The following SLC9C2 variants were observed in gnomAD, a reference collection of about 807,000 sequenced individuals.
SLC9C2 encodes sodium/hydrogen exchanger 11.
Under a neutral mutation model 140.2 loss-of-function variants are expected in SLC9C2, and 75 were observed. The ratio of observed to expected loss-of-function variants is 0.53; its 90% CI spans 0.44 to 0.65. The LOEUF is 0.65. Among genes scored for constraint, SLC9C2 ranks in the 30% least tolerant of loss-of-function variants. SLC9C2 has a pLI of 0.00. For synonymous variants in SLC9C2, 375 were observed against 420.9 expected, an observed-to-expected ratio of 0.89 and a Z score of 1.34; for missense variants, 1,074 against 1,331.8, an observed-to-expected ratio of 0.81 and a Z score of 3.01.
chr1:173,582,386 A>G (rs1201348899), intron 6 of SLC9C2, among the ~76,000 whole-genome samples: 1 of 152,220 alleles, frequency 6.6e-6, no homozygotes, highest in African/African-American at 2.4e-5. Context: ...GCCCAGGGTC[A>G]CTGCTAACCT....
chr1:173,566,783 T>C (rs187224115), intron 9 of SLC9C2, among the ~76,000 whole-genome samples: 1 of 84,112 alleles, frequency 1.2e-5, no homozygotes, highest in South Asian at 5.6e-4. Context: ...TTGCTTGGAG[T>C]TTTTTTTTTT....
intron 6 of SLC9C2, 49 bp downstream of exon 6, chr1:173,583,457 T>G (rs1665671036): frequency 9.0e-7 from 1 of 1,108,918 alleles, no homozygotes; most frequent in Non-Finnish European, 1.4e-6. Context: ...TGTATTTTAA[T>G]TTTAATGAGA....
intron 13 of SLC9C2, among the ~76,000 whole-genome samples, chr1:173,544,816 T>C (rs1187307106): frequency 4.6e-5 from 7 of 152,078 alleles, no homozygotes; most frequent in South Asian, 2.1e-4. Flanking sequence ...ATGAGAACAC[T>C]TGGACACAGG....
chr1:173,549,103 T>G (rs776499223), intron 11 of SLC9C2, among the ~76,000 whole-genome samples: 4 of 152,224 alleles, frequency 2.6e-5, no homozygotes, highest in Non-Finnish European at 5.9e-5. Context: ...AGGTATGAAC[T>G]ACAAGGCTCA....
chr1:173,593,180 A>G (rs1273711823), intron 4 of SLC9C2, among the ~76,000 whole-genome samples: 1 of 152,212 alleles, frequency 6.6e-6, no homozygotes, highest in African/African-American at 2.4e-5. Context: ...ACAAGTCAGC[A>G]TAATAAACAG....
intron 3 of SLC9C2, among the ~76,000 whole-genome samples, chr1:173,599,362 ATTTTTTTTTTT>A (rs61579339): frequency 5.4e-4 from 37 of 68,124 alleles, no homozygotes; most frequent in South Asian, 4.8e-3. Context: ...ATTTTCCTTG[ATTTTTTTTTTT>A]TTTTTTTTTT....
At chr1:173,543,905 A>G (rs1302151050) in intron 13 of SLC9C2, among the ~76,000 whole-genome samples, 45 of 152,218 alleles carry the variant, frequency 3.0e-4, no homozygotes, top group Non-Finnish European at 4.4e-5. Context: ...TAAAAAACCC[A>G]GAAGAAAACC....
rs749560382 is a variant in SLC9C2, at chr1:173,601,670, C to G, written c.107G>C (p.Cys36Ser). 2 of 1,613,826 alleles carry G rather than the reference C, an allele frequency of 1.2e-6. No homozygotes were observed. Among genetic ancestry groups the G allele is most frequent in the Non-Finnish European group, 1.7e-6 (2 of 1,179,840 alleles). Residue 36 changes from cysteine (C) to serine (S), a missense_variant, in exon 2 of 28, where the codon TGC becomes TCC. Cys to Ser is a moderately radical substitution (Grantham distance 112). Coordinates refer to ENST00000367714, the MANE Select transcript of SLC9C2 (RefSeq NM_178527.4). ...CCTACCTCCCAAAACAACAATGAAG[C>G]ATACAAGCGTTGTGAAATGTTTCTC... ...VEEKHFTTLV[C>S]FIVVLGGLLK...
intron 19 of SLC9C2, among the ~76,000 whole-genome samples, chr1:173,525,146 C>T (rs749913560): frequency 6.6e-6 from 1 of 152,076 alleles, no homozygotes; most frequent in Non-Finnish European, 1.5e-5. Context: ...AAGAGAAAAT[C>T]ACTCTCTCTC....
chr1:173,568,035 A>C (rs772731698), intron 9 of SLC9C2, among the ~76,000 whole-genome samples: 1 of 152,124 alleles, frequency 6.6e-6, no homozygotes, highest in African/African-American at 2.4e-5. Flanking sequence ...CTATGTCTTG[A>C]AAAGTTGTTG....
At chr1:173,586,353 G>A (rs1264264724) in intron 5 of SLC9C2, among the ~76,000 whole-genome samples, 1 of 152,150 alleles carries the variant, frequency 6.6e-6, no homozygotes, top group African/African-American at 2.4e-5. Flanking sequence ...GGAAAGGTTG[G>A]AGGTTTTTCA....
chr1:173,565,592 G>T (rs750207062), intron 9 of SLC9C2, among the ~76,000 whole-genome samples: 17 of 152,136 alleles, frequency 1.1e-4, no homozygotes, highest in Non-Finnish European at 2.1e-4. Context: ...CCATTCCCAT[G>T]CTGTGTTCAT....
intron 4 of SLC9C2, among the ~76,000 whole-genome samples, chr1:173,591,683 G>A (rs1666174628): frequency 6.6e-6 from 1 of 151,898 alleles, no homozygotes; most frequent in South Asian, 2.1e-4. Context: ...TCTTTTGAAG[G>A]GTGTCTGTTT....
rs771404120 is a variant in SLC9C2 at position 173,547,791 on chromosome 1, C to T, written c.1462-7G>A. ...TATGTGAAACGTGGGAAAACTGAAC[C>T]GTATCAGATGACATTTTAAAACATA... On this transcript the variant is annotated splice_polypyrimidine_tract_variant and splice_region_variant and intron_variant, in intron 12 of 27. Coordinates refer to ENST00000367714, the MANE Select transcript of SLC9C2 (RefSeq NM_178527.4). 9.4e-6 allele frequency: 15 copies of T among 1,593,570 alleles called. No individual in the cohort carries two copies. Among genetic ancestry groups the T allele is most frequent in the East Asian group, 6.8e-5 (3 of 44,346 alleles).
chr1:173,506,267 A>G (rs571061717), intron 25 of SLC9C2, among the ~76,000 whole-genome samples: 1 of 152,330 alleles, frequency 6.6e-6, no homozygotes, highest in Admixed American at 6.5e-5. Flanking sequence ...AGCTCTTCCC[A>G]TGGCCTCTGG....
rs772307458 is a variant in SLC9C2 at position 173,557,380 on chromosome 1, A to G, written c.1175T>C (p.Val392Ala). Residue 392 changes from valine to alanine, a missense_variant, in exon 10 of 28, where the codon GTT becomes GCT. Transcript: ENST00000367714. ...CACTTTTCGTTCAGCGAGATTATAA[A>G]CATCAGGAGCCCAGAGTAAATTAAA... ...GVFNLLWAPDVYNLAERKVEV... is the reference protein window; with the variant it reads ...GVFNLLWAPDAYNLAERKVEV... 10 of 1,613,536 alleles carry G rather than the reference A, an allele frequency of 6.2e-6. No individual in the cohort carries two copies. The East Asian group carries it at 2.2e-4, about 36-fold the overall frequency.
chr1:173,560,121 C>A (rs2102118146), intron 9 of SLC9C2, among the ~76,000 whole-genome samples: 1 of 152,300 alleles, frequency 6.6e-6, no homozygotes, highest in Admixed American at 6.5e-5. Context: ...AAATCAGGAG[C>A]TACATATAAA....
At chr1:173,601,942 C>A (rs1450594479) in intron 1 of SLC9C2, 87 bp from the exon 2 acceptor site, 4 of 787,154 alleles carry the variant, frequency 5.1e-6, no homozygotes, top group Non-Finnish European at 8.1e-6. Context: ...ACACTCAGAT[C>A]TGAACATGTC....
At chr1:173,538,802 T>C (rs531554322) in intron 13 of SLC9C2, among the ~76,000 whole-genome samples, 1 of 152,038 alleles carries the variant, frequency 6.6e-6, no homozygotes, top group Non-Finnish European at 1.5e-5. Flanking sequence ...AAAAACAAGT[T>C]GTGGGGCAGA....
Sources: gnomAD v4.1 joint callset for allele counts (sites outside exome capture counted in the v4.1 genomes callset) on GRCh38, gnomAD v4.1.1 for gene constraint, MANE v1.5 for transcripts, NCBI Gene and HGNC (gene_info 2026-07-23, HGNC 2026-07-21) for gene names.